Variants in DPP10 observed in about 807,000 individuals in gnomAD.
DPP10 encodes the protein inactive dipeptidyl peptidase 10.
Under a neutral mutation model 120.9 loss-of-function variants are expected in DPP10, and 33 were observed. The observed-to-expected ratio is 0.27, with a 90% CI of 0.21 to 0.37. The LOEUF (loss-of-function observed/expected upper bound fraction) is 0.37. DPP10 is among the 10% of genes least tolerant of loss of function. The pLI, the probability that DPP10 is intolerant of heterozygous loss-of-function variation, is 1.00. For synonymous variants in DPP10, 337 were observed against 326.1 expected, an observed-to-expected ratio of 1.03 and a Z score of -0.36; for missense variants, 816 against 942.8, an observed-to-expected ratio of 0.87 and a Z score of 1.76.
chr2:114,997,577 T>C (rs1029014271), intron 1 of DPP10, among the ~76,000 whole-genome samples: 22 of 151,928 alleles, frequency 1.4e-4, no homozygotes, highest in African/African-American at 7.2e-5. Flanking sequence ...AATATTATAA[T>C]AATCAAAATA....
rs1337651421 is a variant in DPP10 at position 114,670,545 on chromosome 2, G to T, written c.60+227707G>T. Among the ~76,000 whole-genome samples the T allele has an allele frequency of 4.6e-5, 7 of 151,946 alleles. No individual in the cohort carries two copies. The East Asian group carries it at 1.4e-3, about 29-fold the overall frequency. On this transcript the variant is annotated intron_variant, in intron 1 of 25. Transcript: ENST00000410059. The stretch of plus-strand genomic sequence containing the variant: ...GGGACTGTTGTGGGGTGGGGGGAGT[G>T]GGGAGGGATAGCATTAGGAGATATA...
At chr2:115,382,786 C>G (rs528935984) in intron 3 of DPP10, among the ~76,000 whole-genome samples, 3 of 152,110 alleles carry the variant, frequency 2.0e-5, no homozygotes, top group African/African-American at 7.2e-5. Flanking sequence ...TTCAATTATT[C>G]TTTTTAAAAA....
At chr2:114,644,342 CTGTGTGTG>C (rs370038985) in intron 1 of DPP10, among the ~76,000 whole-genome samples, 1 of 143,236 alleles carries the variant, frequency 7.0e-6, no homozygotes, top group Admixed American at 6.9e-5. Flanking sequence ...CTGTGTGTGT[CTGTGTGTG>C]TGTGTGTGTG....
At chr2:114,774,633 T>A in intron 1 of DPP10, among the ~76,000 whole-genome samples, 1 of 149,376 alleles carries the variant, frequency 6.7e-6, no homozygotes, top group Non-Finnish European at 1.5e-5. Flanking sequence ...AAAACAGAGA[T>A]GACTATATTT....
chr2:115,448,592 T>G (rs941884653), intron 3 of DPP10, among the ~76,000 whole-genome samples: 3 of 152,126 alleles, frequency 2.0e-5, no homozygotes, highest in African/African-American at 7.2e-5. Context: ...TTACTATTGC[T>G]GGACAAGAAA....
At chr2:114,547,369 C>T (rs1687502951) in intron 1 of DPP10, among the ~76,000 whole-genome samples, 1 of 152,204 alleles carries the variant, frequency 6.6e-6, no homozygotes, top group African/African-American at 2.4e-5. Flanking sequence ...GGGGTTGGCA[C>T]CTGCTCCCAG....
intron 5 of DPP10, among the ~76,000 whole-genome samples, chr2:115,580,700 A>C (rs924591722): frequency 6.6e-6 from 1 of 152,182 alleles, no homozygotes; most frequent in Admixed American, 6.5e-5. Context: ...GATTCACTCA[A>C]ATATCAACAC....
intron 1 of DPP10, among the ~76,000 whole-genome samples, chr2:115,107,181 C>T (rs2048990351): frequency 6.6e-6 from 1 of 151,648 alleles, no homozygotes; most frequent in African/African-American, 2.4e-5. Flanking sequence ...ATTTAAGAGA[C>T]TTTTCCCCTG....
At chr2:115,300,716 C>A (rs1243093677) in intron 1 of DPP10, among the ~76,000 whole-genome samples, 1 of 152,014 alleles carries the variant, frequency 6.6e-6, no homozygotes, top group Admixed American at 6.6e-5. Context: ...TCTCAGTTTT[C>A]TCATGTACCA....
At chr2:115,207,222 C>T (rs1319766378) in intron 1 of DPP10, among the ~76,000 whole-genome samples, 1 of 152,046 alleles carries the variant, frequency 6.6e-6, no homozygotes, top group Non-Finnish European at 1.5e-5. Context: ...GCTGTCTCTT[C>T]AGTTAGCCTG....
rs139711385 is a variant in DPP10 at position 115,352,769 on chromosome 2, T to G, written c.271+8857T>G. ...CTGTGAATGGGACAGAAAGTAGACA[T>G]AACTGAAGAGTTGCAAGAAATACTC... On this transcript the variant is annotated intron_variant, in intron 3 of 25. Transcript: ENST00000410059. Among the ~76,000 whole-genome samples the G allele has an allele frequency of 5.2e-3, 787 of 152,248 alleles. 8 individuals carry two copies. Among genetic ancestry groups the G allele is most frequent in the Middle Eastern group, 0.02 (6 of 294 alleles).
At chr2:114,831,631 A>T (rs891340218) in intron 1 of DPP10, among the ~76,000 whole-genome samples, 1 of 152,178 alleles carries the variant, frequency 6.6e-6, no homozygotes, top group African/African-American at 2.4e-5. Flanking sequence ...AAGACATAAC[A>T]TATAAACAGA....
At chr2:115,682,087 A>G (rs1355814898) in intron 5 of DPP10, among the ~76,000 whole-genome samples, 1 of 151,910 alleles carries the variant, frequency 6.6e-6, no homozygotes, top group East Asian at 1.9e-4. Flanking sequence ...CTATTGCAAT[A>G]TATTTATTTC....
chr2:115,354,707 C>CT (rs1259897054), intron 3 of DPP10, among the ~76,000 whole-genome samples: 10 of 151,982 alleles, frequency 6.6e-5, no homozygotes, highest in Admixed American at 1.3e-4. Context: ...CCTCGCCCCC[C>CT]ACCCAACAAT....
At chr2:115,465,135 A>C (rs2074240024) in intron 3 of DPP10, among the ~76,000 whole-genome samples, 1 of 152,190 alleles carries the variant, frequency 6.6e-6, no homozygotes, top group African/African-American at 2.4e-5. Context: ...CTTAATACTT[A>C]CAATATATTT....
At chr2:115,084,481 A>G (rs1006880932) in intron 1 of DPP10, among the ~76,000 whole-genome samples, 1 of 152,236 alleles carries the variant, frequency 6.6e-6, no homozygotes, top group Non-Finnish European at 1.5e-5. Context: ...AAGGTTGTCA[A>G]GTTCACTGTT....
chr2:114,722,239 T>C (rs1435238756), intron 1 of DPP10, among the ~76,000 whole-genome samples: 2 of 152,180 alleles, frequency 1.3e-5, no homozygotes, highest in African/African-American at 2.4e-5. Flanking sequence ...TTATAAATTA[T>C]CTATTTATAA....
chr2:114,653,023 AGAGAGTGT>A (rs1696717588), intron 1 of DPP10, among the ~76,000 whole-genome samples: 10 of 102,624 alleles, frequency 9.7e-5, no homozygotes, highest in African/African-American at 6.3e-4. Context: ...AGAGAGAGAG[AGAGAGTGT>A]GTGTGTGTGT....
chr2:115,102,246 T>C (rs916639419), intron 1 of DPP10, among the ~76,000 whole-genome samples: 3 of 152,148 alleles, frequency 2.0e-5, no homozygotes, highest in Admixed American at 2.0e-4. Flanking sequence ...CTTCTTTCAC[T>C]CACAGGGGCT....
Sources: gnomAD v4.1 joint callset for allele counts (sites outside exome capture counted in the v4.1 genomes callset) on GRCh38, gnomAD v4.1.1 for gene constraint, MANE v1.5 for transcripts, NCBI Gene and HGNC (gene_info 2026-07-23, HGNC 2026-07-21) for gene names.